The following ZNF385C variants were observed in gnomAD, a reference collection of about 807,000 sequenced individuals.
ZNF385C encodes CTD-2132N18.2.
A neutral mutation model predicts 35.4 loss-of-function variants in ZNF385C; 28 were observed. The ratio of observed to expected loss-of-function variants is 0.79; its 90% CI spans 0.59 to 1.08. The LOEUF is 1.08. Among genes scored for constraint, ZNF385C ranks in the 50% least tolerant of loss-of-function variants. The pLI, the probability that ZNF385C is intolerant of heterozygous loss-of-function variation, is 0.00. For missense variants in ZNF385C, 605 were observed against 595.6 expected (o/e 1.02, Z -0.16); for synonymous variants, 248 against 248.2 (o/e 1.00, Z 0.01).
chr17:42,080,476 A>C (rs1353180571), intron 1 of ZNF385C, among the ~76,000 whole-genome samples: 1 of 152,158 alleles, frequency 6.6e-6, no homozygotes, highest in African/African-American at 2.4e-5. Flanking sequence ...CCTCCTCCTC[A>C]ATATGAGAAA....
intron 2 of ZNF385C, chr17:42,040,001 C>A (rs2052972455): frequency 2.4e-6 from 3 of 1,231,042 alleles, no homozygotes; most frequent in Non-Finnish European, 3.0e-6. Context: ...GTGCACAGGG[C>A]CCGCGGGCCG....
chr17:42,090,283 T>A (rs1288275123), intron 1 of ZNF385C, among the ~76,000 whole-genome samples: 20 of 133,312 alleles, frequency 1.5e-4, no homozygotes, highest in African/African-American at 5.5e-4. Context: ...TTCCCTTTTT[T>A]TTTTTTTTTT....
chr17:42,043,245 G>C, intron 2 of ZNF385C: 2 of 1,232,254 alleles, frequency 1.6e-6, no homozygotes, highest in Non-Finnish European at 2.0e-6. Flanking sequence ...ACTCGAGGCA[G>C]AACATCAGCT....
At chr17:42,040,904 G>T (rs1408536868) in intron 2 of ZNF385C, 4 of 1,232,210 alleles carry the variant, frequency 3.2e-6, no homozygotes, top group Non-Finnish European at 4.0e-6. Context: ...CTCCCCAGGC[G>T]CTCACTGGGG....
At chr17:42,096,483 C>T (rs2053919121) in intron 1 of ZNF385C, among the ~76,000 whole-genome samples, 1 of 152,208 alleles carries the variant, frequency 6.6e-6, no homozygotes, top group South Asian at 2.1e-4. Flanking sequence ...CACTCCCTCC[C>T]TTGCCCAGGT....
At chr17:42,079,766 G>T (rs1419939068) in intron 1 of ZNF385C, among the ~76,000 whole-genome samples, 1 of 152,096 alleles carries the variant, frequency 6.6e-6, no homozygotes, top group Non-Finnish European at 1.5e-5. Flanking sequence ...CAGGAGGGAT[G>T]GTGATAAGAC....
intron 2 of ZNF385C, among the ~76,000 whole-genome samples, chr17:42,057,403 G>A (rs2053393138): frequency 6.6e-6 from 1 of 152,102 alleles, no homozygotes; most frequent in Non-Finnish European, 1.5e-5. Context: ...GCCCTGTGCT[G>A]GCTCAACATC....
intron 2 of ZNF385C, 151 bp downstream of exon 2, chr17:42,062,656 G>A (rs1555658084): frequency 2.5e-6 from 1 of 404,556 alleles, no homozygotes; most frequent in East Asian, 3.6e-5. Context: ...CTGGCATCGG[G>A]GAGGCTTCAG....
intron 2 of ZNF385C, 66 bp from the exon 3 acceptor site, chr17:42,037,951 G>A: frequency 6.5e-7 from 1 of 1,544,244 alleles, no homozygotes; most frequent in South Asian, 1.2e-5. Flanking sequence ...AGAACAAGAG[G>A]CGGGTGGGCT....
chr17:42,058,314 C>T (rs7208492), intron 2 of ZNF385C, among the ~76,000 whole-genome samples: 1,845 of 152,294 alleles, frequency 0.012, 38 homozygotes, highest in African/African-American at 0.042. Context: ...CTAATCAAAG[C>T]GACAGCTCCC....
At chr17:42,040,842 A>G (rs988292449) in intron 2 of ZNF385C, 2 of 1,232,186 alleles carry the variant, frequency 1.6e-6, no homozygotes, top group Admixed American at 8.4e-5. Context: ...GGCCAGGGAG[A>G]CAATGCAGCT....
chr17:42,095,975 CAA>C lies in ZNF385C; in HGVS notation c.-3+2433_-3+2434del, dbSNP rs554104568. On this transcript the variant is annotated intron_variant, in intron 1 of 8. Transcript: ENST00000692273. This position sits in a 1 kb window ranked among gnomAD's most constrained non-coding sequence, Gnocchi z 4.4. ...AATATGTTCTAACCTCTCACCCTGA[CAA>C]ATACACCTTCATTAACAACCTGGAG... Among the ~76,000 whole-genome samples, 83 of 152,328 alleles carry C rather than the reference CAA, an allele frequency of 5.4e-4. No homozygotes were observed. The highest frequency in any genetic ancestry group is 1.9e-3 in the African/African-American group (80 of 41,568).
At chr17:42,037,378 TACACAC>T (rs5820441) in intron 3 of ZNF385C, among the ~76,000 whole-genome samples, 35,119 of 144,382 alleles carry the variant, frequency 0.24, 4,446 homozygotes, top group Middle Eastern at 0.38. Flanking sequence ...AGGCACAGGT[TACACAC>T]ACACACACAC....
chr17:42,032,486 A>G (rs1335211203), intron 4 of ZNF385C, among the ~76,000 whole-genome samples: 1 of 152,206 alleles, frequency 6.6e-6, no homozygotes, highest in African/African-American at 2.4e-5. Flanking sequence ...ACAAGGGCCG[A>G]GTACATAGAG....
At chr17:42,027,757 A>G in intron 7 of ZNF385C, 29 bp from the exon 8 acceptor site, 1 of 1,603,550 alleles carries the variant, frequency 6.2e-7, no homozygotes, top group Non-Finnish European at 8.5e-7. Context: ...GACTGGGAAC[A>G]AGATGACAAA....
Position 42,037,731 on chromosome 17 carries a change from C to G in ZNF385C, c.399+6G>C. The stretch of plus-strand genomic sequence containing the variant: ...GCATGCCCCCACCCGCCAGCCCAGC[C>G]CATACCGTGCTGAAGTTGGGGAAGA... On this transcript the variant is annotated splice_donor_region_variant and intron_variant, in intron 3 of 8. Coordinates refer to ENST00000692273, the MANE Select transcript of ZNF385C (RefSeq NM_001392013.1). The G allele has an allele frequency of 6.6e-7, 1 of 1,526,246 alleles. No homozygotes were observed. Among genetic ancestry groups the G allele is most frequent in the Non-Finnish European group, 8.8e-7 (1 of 1,136,092 alleles). 94.5% of individuals were successfully genotyped at this position (1,526,246 alleles called of 1,614,324 possible). A position where few individuals can be genotyped will look rare whatever the true frequency, so the allele number is the denominator to read the frequency against.
chr17:42,094,977 G>A (rs2053902634), intron 1 of ZNF385C, among the ~76,000 whole-genome samples: 1 of 152,164 alleles, frequency 6.6e-6, no homozygotes, highest in South Asian at 2.1e-4. Flanking sequence ...AGCCATGTGT[G>A]TCAGGGTGGG....
intron 1 of ZNF385C, among the ~76,000 whole-genome samples, chr17:42,088,291 C>T (rs2053830184): frequency 6.6e-6 from 1 of 152,258 alleles, no homozygotes; most frequent in Non-Finnish European, 1.5e-5. Context: ...GCACTCAAAC[C>T]TGAGGTCTGT....
At position 42,064,278 on chromosome 17, in the gene ZNF385C, C is replaced by T. The variant is rs1021387085; in HGVS notation, c.-2-1220G>A. On this transcript the variant is annotated intron_variant, in intron 1 of 8. Transcript: ENST00000692273. ...CTGCTCAGTGAATTTTGCCTTCTCT[C>T]GGAAATCTGCGTGCATGCTTCCTGC... 1.4e-4 allele frequency among the ~76,000 whole-genome samples: 22 copies of T among 152,206 alleles called. 1 individual carries two copies. Among genetic ancestry groups the T allele is most frequent in the Non-Finnish European group, 3.1e-4 (21 of 68,038 alleles).
Sources: gnomAD v4.1 joint callset for allele counts (sites outside exome capture counted in the v4.1 genomes callset) on GRCh38, gnomAD v4.1.1 for gene constraint, Gnocchi (gnomAD v3.1) non-coding constraint, MANE v1.5 for transcripts, NCBI Gene and HGNC (gene_info 2026-07-23, HGNC 2026-07-21) for gene names.